The following COL8A1 variants were observed in gnomAD, a reference collection of about 807,000 sequenced individuals.
COL8A1 encodes the protein collagen type VIII alpha 1 chain.
A neutral mutation model predicts 42.7 loss-of-function variants in COL8A1; 21 were observed. That is an observed-to-expected ratio of 0.49 (90% CI 0.35 to 0.71). The LOEUF (loss-of-function observed/expected upper bound fraction) is 0.71, where lower values mean the gene tolerates loss of function less well. Ranked by LOEUF, COL8A1 falls within the 30% of genes least tolerant of loss-of-function variation. COL8A1 has a pLI of 0.01. For missense variants in COL8A1, 788 were observed against 962.4 expected (o/e 0.82, Z 2.40); for synonymous variants, 367 against 369.1 (o/e 0.99, Z 0.06).
rs376392282 is a variant in COL8A1, at chr3:99,794,348, A to G, written c.447A>G (p.Pro149=). 1.2e-6 allele frequency: 2 copies of G among 1,613,874 alleles called. No homozygotes were observed. The highest frequency in any genetic ancestry group is 1.3e-5 in the African/African-American group (1 of 75,022). The change falls in exon 4 of 4, where the codon CCA becomes CCG. Residue 149 remains proline, a synonymous_variant. Transcript: ENST00000652472. This position sits in a 1 kb window ranked among gnomAD's most constrained non-coding sequence, Gnocchi z 4.3. ...GHGIPGIKGK[P]GPQGYPGVGK... ...GGATACCTGGAATTAAAGGAAAACC[A>G]GGGCCACAGGGATATCCAGGAGTTG...
chr3:99,706,015 C>T (rs1483073139), intron 1 of COL8A1, among the ~76,000 whole-genome samples: 2 of 152,040 alleles, frequency 1.3e-5, no homozygotes, highest in African/African-American at 4.8e-5. Flanking sequence ...AGATCCAAGT[C>T]GTATGGTCCT....
chr3:99,734,681 G>A (rs1349052381), intron 1 of COL8A1, among the ~76,000 whole-genome samples: 1 of 151,772 alleles, frequency 6.6e-6, no homozygotes, highest in Non-Finnish European at 1.5e-5. Flanking sequence ...TTCCAATTCT[G>A]TGAAGAAAGG....
intron 1 of COL8A1, among the ~76,000 whole-genome samples, chr3:99,728,506 C>A (rs1262562730): frequency 6.6e-6 from 1 of 152,034 alleles, no homozygotes; most frequent in Non-Finnish European, 1.5e-5. Context: ...TACAGAGCAT[C>A]ATTTTAATGA....
intron 2 of COL8A1, among the ~76,000 whole-genome samples, chr3:99,769,834 G>C (rs1941543085): frequency 6.6e-6 from 1 of 152,096 alleles, no homozygotes; most frequent in Non-Finnish European, 1.5e-5. Context: ...CAGGAGAATT[G>C]CTTGAACCCG....
chr3:99,726,285 G>C (rs1940323205), intron 1 of COL8A1, among the ~76,000 whole-genome samples: 2 of 151,808 alleles, frequency 1.3e-5, no homozygotes. Context: ...AAATTTGTTT[G>C]AGTTCATTGT....
chr3:99,700,683 A>G (rs1311068589), intron 1 of COL8A1, among the ~76,000 whole-genome samples: 1 of 152,172 alleles, frequency 6.6e-6, no homozygotes, highest in Non-Finnish European at 1.5e-5. Context: ...AAATCTCAAG[A>G]GAAAAGATGA....
chr3:99,728,287 A>T (rs1940397792), intron 1 of COL8A1, among the ~76,000 whole-genome samples: 1 of 152,118 alleles, frequency 6.6e-6, no homozygotes, highest in East Asian at 1.9e-4. Flanking sequence ...AAGCAACTTC[A>T]GCAAAGTCTC....
At chr3:99,755,579 A>C (rs1425952808) in intron 2 of COL8A1, among the ~76,000 whole-genome samples, 1 of 152,208 alleles carries the variant, frequency 6.6e-6, no homozygotes. Context: ...AAATCAAATA[A>C]GGGAAAGGGA....
chr3:99,656,644 C>A (rs2107295920), intron 1 of COL8A1, among the ~76,000 whole-genome samples: 1 of 152,306 alleles, frequency 6.6e-6, no homozygotes, highest in Admixed American at 6.5e-5. Flanking sequence ...GATGCAAAGG[C>A]AGTCAGTCTT....
intron 1 of COL8A1, among the ~76,000 whole-genome samples, chr3:99,694,902 C>A (rs1461769036): frequency 6.6e-6 from 1 of 152,142 alleles, no homozygotes; most frequent in Non-Finnish European, 1.5e-5. Flanking sequence ...TTTTTTACTA[C>A]TGGCAGGAGT....
intron 2 of COL8A1, among the ~76,000 whole-genome samples, chr3:99,756,772 A>T (rs548084040): frequency 6.6e-6 from 1 of 152,172 alleles, no homozygotes; most frequent in Admixed American, 6.5e-5. Context: ...AAGCATGATC[A>T]AGAAAACACT....
At chr3:99,791,053 A>C (rs759155875) in intron 3 of COL8A1, 43 bp downstream of exon 3, 1 of 1,517,164 alleles carries the variant, frequency 6.6e-7, no homozygotes, top group Non-Finnish European at 9.0e-7. Flanking sequence ...ACAGCTTTCC[A>C]AATCTCTAAA....
chr3:99,740,761 T>C (rs1432368658), intron 1 of COL8A1, among the ~76,000 whole-genome samples: 1 of 152,180 alleles, frequency 6.6e-6, no homozygotes, highest in Non-Finnish European at 1.5e-5. Context: ...AGTCTATGTG[T>C]CCATACCAAG....
intron 1 of COL8A1, among the ~76,000 whole-genome samples, chr3:99,707,788 T>G (rs1012959528): frequency 1.4e-4 from 21 of 152,220 alleles, no homozygotes; most frequent in African/African-American, 5.1e-4. Context: ...TGTATATATG[T>G]TTAATAAAAT....
intron 1 of COL8A1, among the ~76,000 whole-genome samples, chr3:99,731,895 A>G (rs1940521561): frequency 6.6e-6 from 1 of 152,194 alleles, no homozygotes; most frequent in Non-Finnish European, 1.5e-5. Flanking sequence ...TATTATGCTT[A>G]TTATTTATAA....
At chr3:99,643,927 C>G (rs1937584483) in intron 1 of COL8A1, among the ~76,000 whole-genome samples, 1 of 152,094 alleles carries the variant, frequency 6.6e-6, no homozygotes, top group Non-Finnish European at 1.5e-5. Context: ...GCAAAATACC[C>G]ATAATGGATA....
chr3:99,676,184 T>C (rs956106894), intron 1 of COL8A1, among the ~76,000 whole-genome samples: 12 of 152,152 alleles, frequency 7.9e-5, no homozygotes, highest in African/African-American at 2.7e-4. Flanking sequence ...TAAATCATTT[T>C]TGTAAACCTT....
At chr3:99,773,843 T>TATATATATATATA in intron 2 of COL8A1, among the ~76,000 whole-genome samples, 1 of 96,386 alleles carries the variant, frequency 1.0e-5, no homozygotes, top group Non-Finnish European at 2.1e-5. Flanking sequence ...ATATATTTTT[T>TATATATATATATA]TTTTTTTTTT....
intron 1 of COL8A1, among the ~76,000 whole-genome samples, chr3:99,733,147 T>TAG (rs542620490): frequency 1.9e-4 from 28 of 148,366 alleles, no homozygotes; most frequent in African/African-American, 6.6e-4. Flanking sequence ...ACTTTCTTTT[T>TAG]TTTATTATTA....
Sources: gnomAD v4.1 joint callset for allele counts (sites outside exome capture counted in the v4.1 genomes callset) on GRCh38, gnomAD v4.1.1 for gene constraint, Gnocchi (gnomAD v3.1) non-coding constraint, MANE v1.5 for transcripts, NCBI Gene and HGNC (gene_info 2026-07-23, HGNC 2026-07-21) for gene names.